ERC2: variants seen among roughly 807,000 people sequenced by gnomAD.
The protein encoded by ERC2 is ERC protein 2.
In ERC2, 42 loss-of-function variants were observed where a neutral mutation model predicts 114.8. That is an observed-to-expected ratio of 0.37 (90% confidence interval 0.29 to 0.47). ERC2 has a LOEUF of 0.47. Among genes scored for constraint, ERC2 ranks in the 20% least tolerant of loss-of-function variants. ERC2 has a pLI of 0.99. For missense variants in ERC2, 939 were observed against 1,150.7 expected (o/e 0.82, Z 2.66); for synonymous variants, 454 against 425.5 (o/e 1.07, Z -0.82).
At chr3:55,549,950 G>T (rs1795635) in intron 17 of ERC2, among the ~76,000 whole-genome samples, 2 of 142,054 alleles carry the variant, frequency 1.4e-5, no homozygotes, top group African/African-American at 5.2e-5. Flanking sequence ...GAGAGAGAGA[G>T]AGAGAGAGAC....
chr3:56,086,232 T>TA (rs1172633920), intron 6 of ERC2, among the ~76,000 whole-genome samples: 1 of 152,058 alleles, frequency 6.6e-6, no homozygotes, highest in African/African-American at 2.4e-5. Context: ...CCAGAAGAGA[T>TA]AAAAAACAAC....
chr3:55,555,818 C>G (rs1277231993), intron 17 of ERC2, among the ~76,000 whole-genome samples: 1 of 152,180 alleles, frequency 6.6e-6, no homozygotes, highest in African/African-American at 2.4e-5. Context: ...TTTCCAGTGC[C>G]CTCTCTACCT....
In ERC2 at chr3:56,159,874, G is replaced by A. The variant is rs12631247; in HGVS notation, c.1150-10742C>T. On this transcript the variant is annotated intron_variant, in intron 4 of 17. Coordinates refer to ENST00000288221, the MANE Select transcript of ERC2 (RefSeq NM_015576.3). ...ATGGCTGTATATAGTATCCCATGGC[G>A]TATACATACTAAGCGTTCTTCATCT... Among the ~76,000 whole-genome samples, 28 of 151,782 alleles carry A rather than the reference G, an allele frequency of 1.8e-4. No individual in the cohort carries two copies. In the East Asian group the frequency reaches 3.1e-3, roughly 17 times the overall value.
intron 14 of ERC2, among the ~76,000 whole-genome samples, chr3:55,878,449 G>T (rs1373176956): frequency 1.3e-5 from 2 of 152,240 alleles, no homozygotes; most frequent in East Asian, 3.9e-4. Context: ...AAAAAGGGAA[G>T]AAGCACCTAT....
intron 17 of ERC2, among the ~76,000 whole-genome samples, chr3:55,574,160 ACCAATGATGACACTGTGGT>A (rs1322857249): frequency 6.6e-6 from 1 of 152,140 alleles, no homozygotes; most frequent in African/African-American, 2.4e-5. Flanking sequence ...TTCTCATGTG[ACCAATGATGACACTGTGGT>A]CCGTACAGGT....
intron 3 of ERC2, among the ~76,000 whole-genome samples, chr3:56,247,831 A>C (rs1187390246): frequency 1.3e-5 from 2 of 152,174 alleles, no homozygotes; most frequent in Admixed American, 1.3e-4. Flanking sequence ...TCAGCAAGTT[A>C]TTTCCTCCCA....
chr3:55,636,504 G>A (rs1172800992), intron 17 of ERC2, among the ~76,000 whole-genome samples: 4 of 152,158 alleles, frequency 2.6e-5, no homozygotes, highest in African/African-American at 9.7e-5. Flanking sequence ...AGTGCATAGA[G>A]CACCTTAGAT....
intron 1 of ERC2, among the ~76,000 whole-genome samples, chr3:56,459,788 T>C (rs1364942119): frequency 6.6e-6 from 1 of 152,188 alleles, no homozygotes. Flanking sequence ...CCTTTATTTA[T>C]TTTCTTCTCT....
intron 17 of ERC2, among the ~76,000 whole-genome samples, chr3:55,631,919 T>C (rs1394988312): frequency 1.3e-5 from 2 of 152,252 alleles, no homozygotes; most frequent in African/African-American, 4.8e-5. Context: ...CACAACAATA[T>C]TGAGTGGTCA....
chr3:55,727,543 T>G (rs980327400), intron 15 of ERC2, among the ~76,000 whole-genome samples: 3 of 152,196 alleles, frequency 2.0e-5, no homozygotes, highest in African/African-American at 4.8e-5. Flanking sequence ...CTAACCCAAA[T>G]GTCAACACCT....
chr3:55,731,441 C>T (rs2065247494), intron 15 of ERC2, among the ~76,000 whole-genome samples: 1 of 152,174 alleles, frequency 6.6e-6, no homozygotes, highest in Admixed American at 6.5e-5. Flanking sequence ...TATTATGTGC[C>T]AGGCATATGC....
At chr3:56,060,964 G>T (rs1163047954) in intron 7 of ERC2, among the ~76,000 whole-genome samples, 3 of 152,066 alleles carry the variant, frequency 2.0e-5, no homozygotes, top group Admixed American at 2.0e-4. Context: ...GGCATGATTT[G>T]TTCTGCACTC....
chr3:55,874,019 T>G (rs545285877), intron 14 of ERC2, among the ~76,000 whole-genome samples: 3 of 152,344 alleles, frequency 2.0e-5, no homozygotes, highest in African/African-American at 7.2e-5. Context: ...AGTCAGTGAC[T>G]AAACAAATGA....
chr3:56,005,242 C>G (rs1426827628), intron 10 of ERC2, among the ~76,000 whole-genome samples: 2 of 152,100 alleles, frequency 1.3e-5, no homozygotes, highest in East Asian at 3.9e-4. Context: ...AGGTCCTTTA[C>G]AGCAAGACAA....
At chr3:55,925,218 G>A (rs560960643) in intron 13 of ERC2, among the ~76,000 whole-genome samples, 26 of 152,276 alleles carry the variant, frequency 1.7e-4, no homozygotes, top group South Asian at 1.0e-3. Context: ...GTAAGACAAC[G>A]GAGGGCATTG....
At chr3:56,297,315 A>G (rs1442763396) in intron 2 of ERC2, among the ~76,000 whole-genome samples, 1 of 152,192 alleles carries the variant, frequency 6.6e-6, no homozygotes, top group Non-Finnish European at 1.5e-5. Flanking sequence ...ACATGGAAAA[A>G]AAAAAGAAAG....
rs6799818 is a variant in ERC2 at position 56,096,691 on chromosome 3, T to C, written c.1474-15707A>G. Among the ~76,000 whole-genome samples, 1,359 of 152,266 alleles carry C rather than the reference T, an allele frequency of 8.9e-3. 18 individuals are homozygous for C. Among genetic ancestry groups the C allele is most frequent in the African/African-American group, 0.031 (1,281 of 41,542 alleles). ...ACATGTAAGGCGTTTATTATGTACA[T>C]TTATATATTATTACACTTACATGTG... is the stretch of plus-strand genomic sequence containing the variant. On this transcript the variant is annotated intron_variant, in intron 6 of 17. Transcript: ENST00000288221.
At chr3:56,380,031 C>T (rs547062857) in intron 2 of ERC2, among the ~76,000 whole-genome samples, 1 of 152,144 alleles carries the variant, frequency 6.6e-6, no homozygotes, top group South Asian at 2.1e-4. Flanking sequence ...AACAGCACCC[C>T]GGGCCCCCTC....
chr3:55,772,682 GC>G (rs1315765835), intron 14 of ERC2, among the ~76,000 whole-genome samples: 1 of 152,032 alleles, frequency 6.6e-6, no homozygotes, highest in Non-Finnish European at 1.5e-5. Context: ...CCCTCCCTAA[GC>G]TTTTATATTC....
Sources: allele counts gnomAD v4.1 joint callset (sites outside exome capture counted in the v4.1 genomes callset), GRCh38; gene constraint gnomAD v4.1.1; transcripts MANE v1.5; gene names NCBI Gene and HGNC (gene_info 2026-07-23, HGNC 2026-07-21).